Variants in TRPM3 observed in about 807,000 individuals in gnomAD.
The protein encoded by TRPM3 is transient receptor potential cation channel subfamily M member 3.
In TRPM3, 77 loss-of-function variants were observed where a neutral mutation model predicts 181.2. The observed-to-expected ratio is 0.42, with a 90% CI of 0.35 to 0.51. The LOEUF is 0.51. Among genes scored for constraint, TRPM3 ranks in the 20% least tolerant of loss-of-function variants. TRPM3 has a pLI of 0.01. For synonymous variants in TRPM3, 745 were observed against 796.4 expected (o/e 0.94, Z 1.09); for missense variants, 1,759 against 2,196.7 (o/e 0.80, Z 3.98).
chr9:70,916,090 A>G (rs1052212026), intron 1 of TRPM3, among the ~76,000 whole-genome samples: 3 of 152,222 alleles, frequency 2.0e-5, no homozygotes, highest in Non-Finnish European at 4.4e-5. Flanking sequence ...GTGGCATGGC[A>G]TAGTTAAAGT....
At chr9:70,970,327 G>A (rs1167318471) in intron 1 of TRPM3, among the ~76,000 whole-genome samples, 6 of 152,050 alleles carry the variant, frequency 3.9e-5, no homozygotes, top group South Asian at 2.1e-4. Flanking sequence ...CCATTAGACC[G>A]CACCTGCATC....
chr9:71,069,293 C>A (rs976309183), intron 1 of TRPM3, among the ~76,000 whole-genome samples: 3 of 152,146 alleles, frequency 2.0e-5, no homozygotes, highest in Admixed American at 1.3e-4. Flanking sequence ...TCTCCTGCCT[C>A]AGCCTCCCGA....
chr9:71,155,218 T>G (rs1418098235), intron 1 of TRPM3, among the ~76,000 whole-genome samples: 1 of 152,166 alleles, frequency 6.6e-6, no homozygotes, highest in African/African-American at 2.4e-5. Context: ...GCAGATGAAC[T>G]TAAACAAATA....
intron 1 of TRPM3, among the ~76,000 whole-genome samples, chr9:70,968,467 C>T (rs2097207114): frequency 1.3e-5 from 2 of 152,270 alleles, no homozygotes; most frequent in South Asian, 2.1e-4. Flanking sequence ...GAGTCTTACT[C>T]CACCAGCTTG....
intron 1 of TRPM3, among the ~76,000 whole-genome samples, chr9:71,272,028 C>T (rs946210361): frequency 1.3e-5 from 2 of 152,064 alleles, no homozygotes; most frequent in Admixed American, 1.3e-4. Context: ...TTTTGGTTAA[C>T]GGAGGGGGTA....
intron 6 of TRPM3, among the ~76,000 whole-genome samples, chr9:70,798,348 C>G (rs1386354860): frequency 6.6e-6 from 1 of 152,204 alleles, no homozygotes; most frequent in African/African-American, 2.4e-5. Flanking sequence ...AACCACCATG[C>G]CTGGGCCCCT....
intron 1 of TRPM3, among the ~76,000 whole-genome samples, chr9:71,013,726 C>T (rs2097763609): frequency 1.3e-5 from 2 of 151,982 alleles, no homozygotes; most frequent in South Asian, 2.1e-4. Context: ...ATAAAGTGGC[C>T]TTAATGATTT....
intron 25 of TRPM3, among the ~76,000 whole-genome samples, chr9:70,538,321 G>C (rs778999455): frequency 6.6e-6 from 1 of 152,120 alleles, no homozygotes; most frequent in African/African-American, 2.4e-5. Context: ...GAGATGGGGG[G>C]GGTCTCACTT....
Position 71,359,126 on chromosome 9 carries a change from A to G in TRPM3, c.183+87527T>C, listed in dbSNP as rs191973226. ...AGATTAACTGTAGCAATTGTCCTAT[A>G]CTACCCAAAGAGTGACATTAGGGAA... On this transcript the variant is annotated intron_variant, in intron 1 of 24. Transcript: ENST00000357533. Among the ~76,000 whole-genome samples the G allele has an allele frequency of 5.0e-3, 755 of 152,368 alleles. 5 individuals carry two copies. Among genetic ancestry groups the G allele is most frequent in the Admixed American group, 0.012 (188 of 15,298 alleles).
intron 1 of TRPM3, among the ~76,000 whole-genome samples, chr9:71,098,976 C>A (rs2067807800): frequency 6.6e-6 from 1 of 152,158 alleles, no homozygotes; most frequent in Admixed American, 6.6e-5. Context: ...GGGCTACTCA[C>A]ACGAGGAGGA....
chr9:70,565,244 T>A (rs1210617427), intron 22 of TRPM3, among the ~76,000 whole-genome samples: 1 of 152,242 alleles, frequency 6.6e-6, no homozygotes, highest in Non-Finnish European at 1.5e-5. Flanking sequence ...GACACGTCAG[T>A]TAAAATACAA....
intron 1 of TRPM3, among the ~76,000 whole-genome samples, chr9:70,903,150 C>T (rs1324115307): frequency 6.6e-6 from 1 of 152,222 alleles, no homozygotes; most frequent in African/African-American, 2.4e-5. Flanking sequence ...TTGTACCTTA[C>T]TGTTCTTTCC....
chr9:70,697,889 T>G (rs950008169), intron 8 of TRPM3, among the ~76,000 whole-genome samples: 2 of 152,164 alleles, frequency 1.3e-5, no homozygotes, highest in East Asian at 3.9e-4. Context: ...CTATCCCCTC[T>G]CCTAGGTTAC....
chr9:71,062,472 A>G (rs2061438224), intron 1 of TRPM3, among the ~76,000 whole-genome samples: 1 of 152,152 alleles, frequency 6.6e-6, no homozygotes, highest in Non-Finnish European at 1.5e-5. Flanking sequence ...GCATAAAACC[A>G]TACAAAAACA....
Position 71,168,022 on chromosome 9 carries a change from G to A in TRPM3, c.183+278631C>T, listed in dbSNP as rs1352278544. On this transcript the variant is annotated intron_variant, in intron 1 of 24. Coordinates refer to the TRPM3 transcript ENST00000357533. The stretch of plus-strand genomic sequence containing the variant: ...ACATACCTCATTTAGAGGAAGAACT[G>A]TTATTATCTTAGAGAGAATACAAAA... 2.6e-5 allele frequency among the ~76,000 whole-genome samples: 4 copies of A among 152,264 alleles called. No individual in the cohort carries two copies. In the East Asian group the frequency reaches 7.7e-4, roughly 29 times the overall value.
intron 1 of TRPM3, among the ~76,000 whole-genome samples, chr9:71,188,921 A>G (rs1313147780): frequency 6.6e-6 from 1 of 151,950 alleles, no homozygotes; most frequent in Non-Finnish European, 1.5e-5. Context: ...TAAAATTCAT[A>G]TTTGAATATT....
chr9:70,783,964 T>C (rs1418018099), intron 7 of TRPM3, 141 bp downstream of exon 7: 18 of 1,444,176 alleles, frequency 1.2e-5, no homozygotes, highest in East Asian at 2.4e-5. Flanking sequence ...AGCCCTCCCA[T>C]GACAGACATT....
intron 1 of TRPM3, among the ~76,000 whole-genome samples, chr9:71,256,209 A>G (rs2082662002): frequency 6.6e-6 from 1 of 152,192 alleles, no homozygotes; most frequent in Non-Finnish European, 1.5e-5. Context: ...ATTCAGATGC[A>G]GTTTCTGGGG....
At chr9:70,922,182 CAT>C in intron 1 of TRPM3, among the ~76,000 whole-genome samples, 1 of 152,240 alleles carries the variant, frequency 6.6e-6, no homozygotes, top group South Asian at 2.1e-4. Context: ...ATTTTTCTGA[CAT>C]ATGAACCTCA....
Sources: gnomAD v4.1 joint callset for allele counts (sites outside exome capture counted in the v4.1 genomes callset) on GRCh38, gnomAD v4.1.1 for gene constraint, MANE v1.5 for transcripts, NCBI Gene and HGNC (gene_info 2026-07-23, HGNC 2026-07-21) for gene names.